NUMBL: variants seen among roughly 807,000 people sequenced by gnomAD.
NUMBL encodes NUMB like endocytic adaptor protein.
NUMBL carries 20 observed loss-of-function variants against 48.9 expected under a neutral mutation model. The ratio of observed to expected loss-of-function variants is 0.41; its 90% CI spans 0.29 to 0.59. NUMBL has a LOEUF of 0.59. Ranked by LOEUF, NUMBL falls within the 20% of genes least tolerant of loss-of-function variation. NUMBL has a pLI of 0.31. For missense variants in NUMBL, 660 were observed against 846.2 expected (o/e 0.78, Z 2.73); for synonymous variants, 340 against 348.7 (o/e 0.98, Z 0.28).
chr19:40,681,036 T>TGGTCTGGTCGAC lies in NUMBL; in HGVS notation c.409_420dup (p.Val137_Thr140dup). On this transcript the variant is annotated inframe_insertion, in exon 6 of 10. Transcript: ENST00000252891. Reference sequence around the variant, plus strand: ...GGAGCACAAAAGGAGACCTTTTCGATGGTCTGGTCGACCAGAAGATCCTAG... The same window carrying TGGTCTGGTCGAC: ...GGAGCACAAAAGGAGACCTTTTCGATGGTCTGGTCGACGGTCTGGTCGACCAGAAGATCCTAG... 6.2e-7 allele frequency: 1 copy of TGGTCTGGTCGAC among 1,614,168 alleles called. No homozygotes were observed. The highest frequency in any genetic ancestry group is 8.5e-7 in the Non-Finnish European group (1 of 1,180,012).
chr19:40,681,208 C>T, intron 5 of NUMBL, 151 bp from the exon 6 acceptor site: 1 of 759,518 alleles, frequency 1.3e-6, no homozygotes, highest in Non-Finnish European at 2.2e-6. Context: ...GCAGAGGGCT[C>T]CCAGGTCAGC....
At chr19:40,689,408 C>A (rs2081950511) in intron 1 of NUMBL, among the ~76,000 whole-genome samples, 1 of 152,034 alleles carries the variant, frequency 6.6e-6, no homozygotes, top group Non-Finnish European at 1.5e-5. Context: ...ATAGACACCA[C>A]CACAAGCACA....
rs767533720 is a variant in NUMBL at position 40,677,298 on chromosome 19, C to T, written c.664G>A (p.Glu222Lys). 8 of 1,609,666 alleles carry T rather than the reference C, an allele frequency of 5.0e-6. No homozygotes were observed. The highest frequency in any genetic ancestry group is 4.5e-5 in the East Asian group (2 of 44,782). Residue 222 changes from glutamate (E) to lysine (K), a missense_variant, in exon 7 of 10, where the codon GAG becomes AAG. This residue lies in a region of NUMBL where 278 missense variants were observed against 420.6 expected (regional missense o/e 0.66). Coordinates refer to ENST00000252891, the MANE Select transcript of NUMBL (RefSeq NM_004756.5). ...FDASRTSFAR[E>K]GSFRLSGGGR... Reference sequence around the variant, plus strand: ...CCCCCAGACAGGCGGAAGGAGCCCTCGCGGGCGAAGCTGGTGCGGCTGGCA... The same window carrying T: ...CCCCCAGACAGGCGGAAGGAGCCCTTGCGGGCGAAGCTGGTGCGGCTGGCA...
chr19:40,670,668 C>G (rs2081842720), intron 8 of NUMBL, among the ~76,000 whole-genome samples: 1 of 152,238 alleles, frequency 6.6e-6, no homozygotes, highest in Non-Finnish European at 1.5e-5. Context: ...TGTAGATGCT[C>G]CAGTGAACAT....
At chr19:40,676,959 C>T (rs577274638) in intron 7 of NUMBL, among the ~76,000 whole-genome samples, 1 of 152,156 alleles carries the variant, frequency 6.6e-6, no homozygotes, top group East Asian at 2.0e-4. Flanking sequence ...GGATTACAGG[C>T]GTAGGCCACC....
chr19:40,679,911 A>G (rs553528919), intron 6 of NUMBL, among the ~76,000 whole-genome samples: 1 of 152,268 alleles, frequency 6.6e-6, no homozygotes, highest in African/African-American at 2.4e-5. Context: ...GTTAAACAAC[A>G]CTGAAAATGT....
In NUMBL at chr19:40,667,446, G is replaced by T; in HGVS notation, c.*22C>A. 6.3e-7 allele frequency: 1 copy of T among 1,599,846 alleles called. No individual in the cohort carries two copies. Among genetic ancestry groups the T allele is most frequent in the Non-Finnish European group, 8.5e-7 (1 of 1,174,000 alleles). On this transcript the variant is annotated 3_prime_UTR_variant, in exon 10 of 10. Coordinates refer to ENST00000252891, the MANE Select transcript of NUMBL (RefSeq NM_004756.5). The surrounding 1 kb of genome is among the most constrained non-coding windows in gnomAD (Gnocchi z 6.1). ...CAGGCGTGGGGCACCTGGAGATGATGGAGTGGGTGGGGCGGCTCGGGCTAC... is the reference window on the plus strand; with the variant it reads ...CAGGCGTGGGGCACCTGGAGATGATTGAGTGGGTGGGGCGGCTCGGGCTAC...
chr19:40,686,696 TGTGA>T (rs2081936476), intron 2 of NUMBL, among the ~76,000 whole-genome samples: 1 of 73,316 alleles, frequency 1.4e-5, no homozygotes, highest in South Asian at 3.4e-4. Context: ...TATCTACAGA[TGTGA>T]GTGTTTGTGA....
rs569542342 is a variant in NUMBL, at chr19:40,687,633, A to G, written c.25-638T>C. On this transcript the variant is annotated intron_variant, in intron 1 of 9. Coordinates refer to ENST00000252891, the MANE Select transcript of NUMBL (RefSeq NM_004756.5). This position sits in a 1 kb window ranked among gnomAD's most constrained non-coding sequence, Gnocchi z 4.6. ...GGCCCAGACAACCCACTAGAGCCGC[A>G]CATGCGTGGCCACACCCAGTGACAG... Among the ~76,000 whole-genome samples the G allele has an allele frequency of 6.6e-6, 1 of 152,280 alleles. No individual in the cohort carries two copies. The highest frequency in any genetic ancestry group is 2.1e-4 in the South Asian group (1 of 4,824).
At chr19:40,670,434 GAAGTGGGGTCCTGTCC>G (rs1169242988) in intron 8 of NUMBL, among the ~76,000 whole-genome samples, 96 of 152,254 alleles carry the variant, frequency 6.3e-4, no homozygotes, top group African/African-American at 2.2e-3. Context: ...TTTGGGCAGA[GAAGTGGGGTCCTGTCC>G]ACCCCACCCA....
chr19:40,677,231 C>T lies in NUMBL; in HGVS notation c.730+1G>A. Reference sequence around the variant, plus strand: ...CTGCTGGCGCTTGGGGCAACACCCACCTTTCTTCTTGTCCGGGGCCTCTCG... The same window carrying T: ...CTGCTGGCGCTTGGGGCAACACCCATCTTTCTTCTTGTCCGGGGCCTCTCG... On this transcript the variant is annotated splice_donor_variant, in intron 7 of 9. Coordinates refer to ENST00000252891, the MANE Select transcript of NUMBL (RefSeq NM_004756.5). LOFTEE classifies it high-confidence loss of function. The T allele has an allele frequency of 6.4e-7, 1 of 1,554,856 alleles. No homozygotes were observed. Among genetic ancestry groups the T allele is most frequent in the South Asian group, 1.2e-5 (1 of 84,732 alleles).
intron 7 of NUMBL, among the ~76,000 whole-genome samples, chr19:40,674,023 G>A (rs1373249746): frequency 6.6e-6 from 1 of 152,100 alleles, no homozygotes; most frequent in Non-Finnish European, 1.5e-5. Context: ...TGCTTTTCAA[G>A]TATTCACTCA....
rs34359675 is a variant in NUMBL at position 40,682,986 on chromosome 19, G to GGC, written c.250-19_250-18insGC. The GGC allele has an allele frequency of 3.8e-5, 42 of 1,095,878 alleles. No individual in the cohort carries two copies. The highest frequency in any genetic ancestry group is 2.1e-4 in the Middle Eastern group (1 of 4,736). 67.9% of individuals were successfully genotyped at this position (1,095,878 alleles called of 1,614,324 possible). On this transcript the variant is annotated intron_variant, in intron 3 of 9. Transcript: ENST00000252891. The surrounding 1 kb of genome is among the most constrained non-coding windows in gnomAD (Gnocchi z 4.0). ...CCCAGGTACTTGGGTTGGAGGGAATGGGGGGGGGGACATGAAACAGCACAG... is the reference window on the plus strand; with the variant it reads ...CCCAGGTACTTGGGTTGGAGGGAATGGCGGGGGGGGGACATGAAACAGCACAG...
chr19:40,686,657 CTG>C (rs147355867), intron 2 of NUMBL, among the ~76,000 whole-genome samples: 153 of 150,010 alleles, frequency 1.0e-3, no homozygotes, highest in African/African-American at 6.9e-4. Flanking sequence ...TGAAAGAGAT[CTG>C]TGTGTGTGTG....
At chr19:40,690,339 G>T (rs975584683) in intron 1 of NUMBL, 121 bp downstream of exon 1, 11 of 545,812 alleles carry the variant, frequency 2.0e-5, no homozygotes, top group Non-Finnish European at 2.5e-5. Flanking sequence ...CCCCACCCGG[G>T]ACCACCCTCT....
intron 8 of NUMBL, among the ~76,000 whole-genome samples, chr19:40,670,328 T>C (rs1035804428): frequency 1.3e-5 from 2 of 152,148 alleles, no homozygotes; most frequent in African/African-American, 4.8e-5. Flanking sequence ...TATATTAGTT[T>C]AAAAATATGC....
intron 7 of NUMBL, among the ~76,000 whole-genome samples, chr19:40,677,019 G>A (rs796420251): frequency 5.4e-4 from 82 of 152,226 alleles, no homozygotes; most frequent in African/African-American, 1.5e-3. Flanking sequence ...TTACCATGTC[G>A]CGCAGGCTGG....
Position 40,682,985 on chromosome 19 carries a change from T to TGGC in NUMBL, c.250-18_250-17insGCC, listed in dbSNP as rs1555753691. 1.4e-6 allele frequency: 2 copies of TGGC among 1,444,114 alleles called. No homozygotes were observed. Among genetic ancestry groups the TGGC allele is most frequent in the Non-Finnish European group, 1.9e-6 (2 of 1,050,722 alleles). 89.5% of individuals were successfully genotyped at this position (1,444,114 alleles called of 1,614,324 possible). On this transcript the variant is annotated splice_polypyrimidine_tract_variant and intron_variant, in intron 3 of 9. Transcript: ENST00000252891. The surrounding 1 kb of genome is among the most constrained non-coding windows in gnomAD (Gnocchi z 4.0). ...ACCCAGGTACTTGGGTTGGAGGGAA[T>TGGC]GGGGGGGGGGACATGAAACAGCACA...
chr19:40,670,114 G>C lies in NUMBL; in HGVS notation c.1037-94C>G, dbSNP rs528733568. ...CCCGCCCTCGGTGGCCCTCTCTTCT[G>C]ACCTGGATCCTTTCCCACTGTAGTA... On this transcript the variant is annotated intron_variant, in intron 8 of 9. Transcript: ENST00000252891. The C allele has an allele frequency of 2.3e-5, 34 of 1,464,962 alleles. No homozygotes were observed. In the South Asian group the frequency reaches 4.2e-4, roughly 18 times the overall value. The allele number at this position is 1,464,962 out of a possible 1,614,324, so 90.7% of individuals were successfully genotyped here. A position where few individuals can be genotyped will look rare whatever the true frequency, so the allele number is the denominator to read the frequency against.
Sources: allele counts gnomAD v4.1 joint callset (sites outside exome capture counted in the v4.1 genomes callset), GRCh38; gene constraint gnomAD v4.1.1; regional missense constraint gnomAD v4.1.1; non-coding constraint Gnocchi (gnomAD v3.1); transcripts MANE v1.5; gene names NCBI Gene and HGNC (gene_info 2026-07-23, HGNC 2026-07-21).